Variants in THSD7B observed in about 807,000 individuals in gnomAD.
THSD7B encodes the protein thrombospondin type 1 domain containing 7B.
A neutral mutation model predicts 213.6 loss-of-function variants in THSD7B; 138 were observed. The observed-to-expected ratio is 0.65, with a 90% CI of 0.56 to 0.74. The LOEUF (loss-of-function observed/expected upper bound fraction) is 0.74, where lower values mean the gene tolerates loss of function less well. Ranked by LOEUF, THSD7B falls within the 30% of genes least tolerant of loss-of-function variation. The probability of loss-of-function intolerance (pLI) is 0.00; values close to 1 mark genes in which losing one functional copy is unlikely to be tolerated. For missense variants in THSD7B, 1,931 were observed against 1,991.5 expected, an observed-to-expected ratio of 0.97 and a Z score of 0.58; for synonymous variants, 742 against 687.0, an observed-to-expected ratio of 1.08 and a Z score of -1.25.
intron 20 of THSD7B, among the ~76,000 whole-genome samples, chr2:137,639,440 C>T (rs962747856): frequency 1.6e-4 from 24 of 152,322 alleles, no homozygotes; most frequent in African/African-American, 5.5e-4. Context: ...ATGGAAAACC[C>T]CCTCTAGGGC....
intron 15 of THSD7B, among the ~76,000 whole-genome samples, chr2:137,556,766 G>C (rs900388043): frequency 4.6e-5 from 7 of 152,104 alleles, no homozygotes; most frequent in African/African-American, 1.7e-4. Flanking sequence ...ATAGAGTCAA[G>C]ACCCATCAGT....
At chr2:137,036,994 C>A (rs979851967) in intron 2 of THSD7B, among the ~76,000 whole-genome samples, 5 of 152,170 alleles carry the variant, frequency 3.3e-5, no homozygotes, top group Non-Finnish European at 5.9e-5. Context: ...TTCTGCTGTT[C>A]ATGAAACATT....
chr2:136,851,567 T>C (rs1016316251), intron 1 of THSD7B, among the ~76,000 whole-genome samples: 1 of 152,210 alleles, frequency 6.6e-6, no homozygotes, highest in African/African-American at 2.4e-5. Context: ...ATTGTTTACA[T>C]GTCAGTGGGT....
intron 15 of THSD7B, among the ~76,000 whole-genome samples, chr2:137,485,969 C>T (rs976350356): frequency 3.3e-5 from 5 of 152,124 alleles, no homozygotes; most frequent in African/African-American, 1.2e-4. Flanking sequence ...ACCACCAGGC[C>T]TGCCCTAAAA....
At chr2:137,395,575 T>C (rs191953970) in intron 12 of THSD7B, among the ~76,000 whole-genome samples, 5,575 of 152,240 alleles carry the variant, frequency 0.037, 144 homozygotes, top group Non-Finnish European at 0.052. Context: ...CAGTATTTTA[T>C]TGAGGATTTT....
intron 1 of THSD7B, among the ~76,000 whole-genome samples, chr2:136,844,488 G>GAGAGAC (rs1558823829): frequency 6.7e-6 from 1 of 149,466 alleles, no homozygotes; most frequent in Non-Finnish European, 1.5e-5. Flanking sequence ...GAGAGAGAGA[G>GAGAGAC]AGAGAGACAG....
intron 16 of THSD7B, 88 bp from the exon 17 acceptor site, chr2:137,572,318 C>T (rs1681371020): frequency 9.8e-6 from 14 of 1,433,508 alleles, no homozygotes; most frequent in East Asian, 2.4e-5. Flanking sequence ...ATTTAACTAT[C>T]GTCAGTTACT....
chr2:137,250,686 A>G (rs76355720), intron 10 of THSD7B, among the ~76,000 whole-genome samples: 4,099 of 152,282 alleles, frequency 0.027, 109 homozygotes, highest in Middle Eastern at 0.095. Context: ...AAATCTCTCC[A>G]TCGTAGAGAA....
At chr2:137,462,887 G>A (rs926529842) in intron 15 of THSD7B, among the ~76,000 whole-genome samples, 2 of 151,906 alleles carry the variant, frequency 1.3e-5, no homozygotes, top group Non-Finnish European at 2.9e-5. Context: ...AACTTAATAA[G>A]GAAAGAAAAA....
intron 12 of THSD7B, among the ~76,000 whole-genome samples, chr2:137,313,607 G>C (rs13025978): frequency 6.6e-6 from 1 of 151,252 alleles, no homozygotes; most frequent in Non-Finnish European, 1.5e-5. Context: ...AGTCTCGATG[G>C]TCTTTACATT....
chr2:137,093,944 C>T (rs1445675628), intron 3 of THSD7B, among the ~76,000 whole-genome samples: 1 of 152,090 alleles, frequency 6.6e-6, no homozygotes, highest in Admixed American at 6.6e-5. Context: ...CCTAATTAGA[C>T]TGTTGGTGCT....
intron 10 of THSD7B, among the ~76,000 whole-genome samples, chr2:137,265,074 A>G (rs1682555493): frequency 6.6e-6 from 1 of 151,980 alleles, no homozygotes; most frequent in Non-Finnish European, 1.5e-5. Flanking sequence ...GAGAATATGC[A>G]GTGTTTGGTT....
intron 2 of THSD7B, among the ~76,000 whole-genome samples, chr2:137,055,932 C>G (rs1315314822): frequency 6.6e-6 from 1 of 152,164 alleles, no homozygotes; most frequent in Admixed American, 6.5e-5. Context: ...AGAGTTTGAG[C>G]TGAAAGACTG....
chr2:137,409,103 T>G (rs1686592780), intron 13 of THSD7B, among the ~76,000 whole-genome samples: 1 of 152,206 alleles, frequency 6.6e-6, no homozygotes, highest in African/African-American at 2.4e-5. Context: ...GAGAGGAGTC[T>G]GGATTTCATT....
chr2:137,663,653 G>A, intron 26 of THSD7B, 78 bp downstream of exon 26: 1 of 1,286,398 alleles, frequency 7.8e-7, no homozygotes. Flanking sequence ...ATGATGGAAA[G>A]AATGGAGGGA....
chr2:136,907,127 T>C (rs1684178795), intron 2 of THSD7B, among the ~76,000 whole-genome samples: 1 of 151,750 alleles, frequency 6.6e-6, no homozygotes, highest in African/African-American at 2.4e-5. Flanking sequence ...GTATATTTAG[T>C]AGAAACGGGA....
intron 2 of THSD7B, among the ~76,000 whole-genome samples, chr2:136,971,702 T>C (rs1182803193): frequency 1.3e-5 from 2 of 150,250 alleles, no homozygotes; most frequent in African/African-American, 4.9e-5. Flanking sequence ...TGTATATATA[T>C]TATACATATA....
chr2:136,980,478 A>C (rs1685556019), intron 2 of THSD7B, among the ~76,000 whole-genome samples: 1 of 152,092 alleles, frequency 6.6e-6, no homozygotes, highest in African/African-American at 2.4e-5. Context: ...GCCCCACCCC[A>C]TGAGGAGGAG....
At chr2:137,661,385 A>G (rs1683339718) in intron 25 of THSD7B, among the ~76,000 whole-genome samples, 1 of 152,086 alleles carries the variant, frequency 6.6e-6, no homozygotes, top group Non-Finnish European at 1.5e-5. Context: ...GGAGTAACTC[A>G]GATAGGCATA....
Sources: gnomAD v4.1 joint callset for allele counts (sites outside exome capture counted in the v4.1 genomes callset) on GRCh38, gnomAD v4.1.1 for gene constraint, MANE v1.5 for transcripts, NCBI Gene and HGNC (gene_info 2026-07-23, HGNC 2026-07-21) for gene names.